TNRC6C: variants seen among roughly 807,000 people sequenced by gnomAD.
TNRC6C encodes the protein trinucleotide repeat-containing gene 6C protein.
A neutral mutation model predicts 153.7 loss-of-function variants in TNRC6C; 20 were observed. The observed-to-expected ratio is 0.13, with a 90% confidence interval of 0.09 to 0.19. TNRC6C has a LOEUF of 0.19. Ranked by LOEUF, TNRC6C falls within the 10% of genes least tolerant of loss-of-function variation. The pLI is 1.00. For missense variants in TNRC6C, 1,987 were observed against 2,172.0 expected (o/e 0.91, Z 1.69); for synonymous variants, 811 against 841.4 (o/e 0.96, Z 0.63).
At chr17:78,099,143 C>T (rs2073542770) in intron 17 of TNRC6C, among the ~76,000 whole-genome samples, 2 of 152,186 alleles carry the variant, frequency 1.3e-5, no homozygotes, top group Admixed American at 1.3e-4. Context: ...GAGACCCCAT[C>T]TCCACAAAAA....
intron 1 of TNRC6C, among the ~76,000 whole-genome samples, chr17:78,012,540 G>A (rs2071654612): frequency 6.6e-6 from 1 of 152,202 alleles, no homozygotes; most frequent in Non-Finnish European, 1.5e-5. Context: ...AGATATTTTA[G>A]TGGGAAGAGC....
chr17:77,958,400 C>G (rs937188192), upstream of TNRC6C, among the ~76,000 whole-genome samples: 11 of 152,100 alleles, frequency 7.2e-5, no homozygotes, highest in African/African-American at 2.4e-4. Flanking sequence ...CCCGGCCACT[C>G]GGAGCGCGCA....
chr17:78,063,583 G>A (rs1259189980), intron 3 of TNRC6C, among the ~76,000 whole-genome samples: 1 of 152,084 alleles, frequency 6.6e-6, no homozygotes, highest in East Asian at 1.9e-4. Flanking sequence ...AGGAATGAAA[G>A]GGTTCCTGAA....
In TNRC6C at chr17:78,104,554, C is replaced by A; in HGVS notation, c.4782C>A (p.Ala1594=). ...AAGAAGAAGTGAATCGCTTCTTAGC[C>A]CAAGGCCAGGCGCTGCCACCCACTT... Residue 1594 remains alanine (A), a synonymous_variant, in exon 20 of 20, where the codon GCC becomes GCA. Transcript: ENST00000301624. The surrounding 1 kb of genome is among the most constrained non-coding windows in gnomAD (Gnocchi z 6.2). 6.4e-7 allele frequency: 1 copy of A among 1,552,974 alleles called. No individual in the cohort carries two copies. Among genetic ancestry groups the A allele is most frequent in the Admixed American group, 1.9e-5 (1 of 52,562 alleles).
intron 15 of TNRC6C, 182 bp from the exon 18 acceptor site, chr17:78,093,438 A>G: frequency 1.3e-6 from 1 of 770,822 alleles, no homozygotes; most frequent in Non-Finnish European, 2.0e-6. Context: ...TAGCTGTGAT[A>G]CCTGGTTCTA....
intron 1 of TNRC6C, among the ~76,000 whole-genome samples, chr17:77,977,611 TA>T (rs1312350853): frequency 3.3e-5 from 5 of 152,140 alleles, no homozygotes; most frequent in African/African-American, 1.2e-4. Flanking sequence ...AAAACCTAAA[TA>T]AAACAAGAAA....
At chr17:78,058,908 C>G (rs1360574698) in intron 3 of TNRC6C, among the ~76,000 whole-genome samples, 1 of 152,176 alleles carries the variant, frequency 6.6e-6, no homozygotes, top group Admixed American at 6.5e-5. Context: ...CAATTATCAT[C>G]TTATAAAATA....
chr17:78,049,638 T>C lies in TNRC6C; in HGVS notation c.576T>C (p.Ser192=). The stretch of plus-strand genomic sequence containing the variant: ...CAAATAACACTAACCCCATGAACTC[T>C]TCACCCAACCCTATCAATGCAATGC... Residue 192 remains serine (S), a synonymous_variant, in exon 3 of 20, where the codon TCT becomes TCC. Transcript: ENST00000301624. This position sits in a 1 kb window ranked among gnomAD's most constrained non-coding sequence, Gnocchi z 4.1. 1 of 1,613,974 alleles carries C rather than the reference T, an allele frequency of 6.2e-7. No individual in the cohort carries two copies. The highest frequency in any genetic ancestry group is 8.5e-7 in the Non-Finnish European group (1 of 1,179,874).
rs1567969911 is a variant in TNRC6C, at chr17:78,102,753, T to A, written c.4572+209T>A. ...GGGGCCCAGGGGCCTCTTTTAACCA[T>A]GTTCCTGGTGAATTGTTTGTTTCCC... On this transcript the variant is annotated intron_variant, in intron 18 of 19. Coordinates refer to ENST00000301624, the Ensembl canonical transcript of TNRC6C. 5 of 532,072 alleles carry A rather than the reference T, an allele frequency of 9.4e-6. No individual in the cohort carries two copies. In the East Asian group the frequency reaches 1.6e-4, roughly 17 times the overall value. 33.0% of individuals were successfully genotyped at this position (532,072 alleles called of 1,614,324 possible).
In TNRC6C at chr17:78,042,632, G is replaced by A. The variant is rs965263876; in HGVS notation, c.-218-6213G>A. Among the ~76,000 whole-genome samples, 6 of 150,838 alleles carry A rather than the reference G, an allele frequency of 4.0e-5. No homozygotes were observed. The East Asian group carries it at 1.2e-3, about 29-fold the overall frequency. On this transcript the variant is annotated intron_variant, in intron 2 of 19. Coordinates refer to ENST00000301624, the Ensembl canonical transcript of TNRC6C. ...ATTTTCATTTTTGGAGTAAATCCTG[G>A]TATTCTGATTAAAAGAATATGTGGT...
At chr17:77,985,645 C>T (rs2071155532) in intron 1 of TNRC6C, among the ~76,000 whole-genome samples, 1 of 151,006 alleles carries the variant, frequency 6.6e-6, no homozygotes, top group Non-Finnish European at 1.5e-5. Flanking sequence ...CTGTCTCATA[C>T]TTTGAACTTC....
At chr17:78,108,191 C>G (rs2144728629) in exon 20 of TNRC6C, 1 of 152,600 alleles carries the variant, frequency 6.6e-6, no homozygotes, top group African/African-American at 2.4e-5. Flanking sequence ...CAAAGGTGGA[C>G]CCGCCCACTG....
rs745863044 is a variant in TNRC6C at position 78,079,373 on chromosome 17, G to GTT, written c.3211-20_3211-19dup. On this transcript the variant is annotated intron_variant, in intron 9 of 19. Transcript: ENST00000301624. This position sits in a 1 kb window ranked among gnomAD's most constrained non-coding sequence, Gnocchi z 4.3. Reference sequence around the variant, plus strand: ...ACTCTAATGCCTGCCTTGGTAACGTGTTTAATTCTGTCCCTGTGCAGATAC... The same window carrying GTT: ...ACTCTAATGCCTGCCTTGGTAACGTGTTTTTAATTCTGTCCCTGTGCAGATAC... The GTT allele has an allele frequency of 6.2e-7, 1 of 1,611,682 alleles. No homozygotes were observed. The highest frequency in any genetic ancestry group is 8.5e-7 in the Non-Finnish European group (1 of 1,178,084).
At position 78,075,214 on chromosome 17, in the gene TNRC6C, C is replaced by A; in HGVS notation, c.2996C>A (p.Pro999His). The A allele has an allele frequency of 6.3e-7, 1 of 1,598,064 alleles. No individual in the cohort carries two copies. The highest frequency in any genetic ancestry group is 1.7e-4 in the Middle Eastern group (1 of 6,038). The change falls in exon 8 of 20, where the codon CCC (proline) becomes CAC (histidine). Residue 999 changes from proline (P) to histidine (H), a missense_variant. By Grantham distance (77) the Pro-to-His change is moderately conservative. Around this residue, in one of 4 missense-constraint regions of TNRC6C, gnomAD observed 765 missense variants for 908.6 expected, o/e 0.84. Coordinates refer to ENST00000301624, the Ensembl canonical transcript of TNRC6C. The surrounding 1 kb of genome is among the most constrained non-coding windows in gnomAD (Gnocchi z 4.2). The stretch of plus-strand genomic sequence containing the variant: ...GACCATAATGGAATGGCCGCCAAGC[C>A]CCTCGGCTGCCGCCCGCCAATCTCC...
chr17:77,979,556 TGAAAA>T (rs948900511), intron 1 of TNRC6C, among the ~76,000 whole-genome samples: 3 of 150,712 alleles, frequency 2.0e-5, no homozygotes, highest in African/African-American at 7.3e-5. Flanking sequence ...GGATGGAAAA[TGAAAA>T]GAAAAAGAAA....
At chr17:77,969,552 T>G (rs965004153) in intron 1 of TNRC6C, among the ~76,000 whole-genome samples, 7 of 152,066 alleles carry the variant, frequency 4.6e-5, no homozygotes, top group African/African-American at 1.7e-4. Flanking sequence ...GCCCGGCAAT[T>G]TCCATTATCT....
At chr17:78,048,716 A>AT (rs1347381444) in intron 2 of TNRC6C, 129 bp from the exon 5 acceptor site, 4 of 945,486 alleles carry the variant, frequency 4.2e-6, no homozygotes, top group Non-Finnish European at 5.5e-6. Flanking sequence ...TCTTTAAGTC[A>AT]TTTTTTTAGT....
intron 1 of TNRC6C, among the ~76,000 whole-genome samples, chr17:78,026,178 CCTT>C (rs1351728226): frequency 6.6e-6 from 1 of 152,148 alleles, no homozygotes; most frequent in Non-Finnish European, 1.5e-5. Context: ...AACAATCACT[CCTT>C]CAACATTTAT....
intron 17 of TNRC6C, among the ~76,000 whole-genome samples, chr17:78,099,626 G>A (rs1004329538): frequency 4.6e-5 from 7 of 152,158 alleles, no homozygotes; most frequent in Non-Finnish European, 8.8e-5. Flanking sequence ...GTTCCTTCAC[G>A]AAACATGGGA....
Sources: gnomAD v4.1 joint callset for allele counts (sites outside exome capture counted in the v4.1 genomes callset) on GRCh38, gnomAD v4.1.1 for gene constraint, gnomAD v4.1.1 regional missense constraint, Gnocchi (gnomAD v3.1) non-coding constraint, MANE v1.5 for transcripts, NCBI Gene and HGNC (gene_info 2026-07-23, HGNC 2026-07-21) for gene names.